Variants in BEND4 observed in about 807,000 individuals in gnomAD.
The protein encoded by BEND4 is BEN domain-containing protein 4.
BEND4 carries 27 observed loss-of-function variants against 54.7 expected under a neutral mutation model. The observed-to-expected ratio is 0.49, with a 90% confidence interval of 0.36 to 0.68. The LOEUF is 0.68. Among genes scored for constraint, BEND4 ranks in the 30% least tolerant of loss-of-function variants. The probability of loss-of-function intolerance (pLI) is 0.00; values close to 1 mark genes in which losing one functional copy is unlikely to be tolerated. For missense variants in BEND4, 702 were observed against 697.2 expected (o/e 1.01, Z -0.08); for synonymous variants, 327 against 299.5 (o/e 1.09, Z -0.95).
chr4:42,138,660 T>C (rs1017754524), intron 3 of BEND4, among the ~76,000 whole-genome samples: 1 of 152,220 alleles, frequency 6.6e-6, no homozygotes, highest in Non-Finnish European at 1.5e-5. Flanking sequence ...CTTTTAACTA[T>C]ATATCCTCTA....
At chr4:42,142,206 T>C (rs1388480827) in intron 3 of BEND4, among the ~76,000 whole-genome samples, 1 of 150,748 alleles carries the variant, frequency 6.6e-6, no homozygotes, top group African/African-American at 2.4e-5. Flanking sequence ...GCGCCCGGCC[T>C]CAAGCTTAAA....
In BEND4 at chr4:42,111,947, AG is replaced by A. The variant is rs1376351805; in HGVS notation, c.*5570del. 1 of 152,246 alleles carries A rather than the reference AG, an allele frequency of 6.6e-6. No homozygotes were observed. The highest frequency in any genetic ancestry group is 1.5e-5 in the Non-Finnish European group (1 of 68,040). The allele number at this position is 152,246 out of a possible 1,614,324, so 9.4% of individuals were successfully genotyped here. A position where few individuals can be genotyped will look rare whatever the true frequency, so the allele number is the denominator to read the frequency against. The stretch of plus-strand genomic sequence containing the variant: ...AAAAAAGTTTTCTGGTCTTCATCAT[AG>A]GATCTTACGTAGGTCAAGCCTTATA... On this transcript the variant is annotated 3_prime_UTR_variant, in exon 6 of 6. Coordinates refer to ENST00000502486, the MANE Select transcript of BEND4 (RefSeq NM_207406.4).
At chr4:42,128,968 T>C (rs1303450808) in intron 3 of BEND4, among the ~76,000 whole-genome samples, 2 of 152,046 alleles carry the variant, frequency 1.3e-5, no homozygotes, top group Non-Finnish European at 2.9e-5. Context: ...CTTATTCAAA[T>C]AGGAAGAGAG....
intron 4 of BEND4, among the ~76,000 whole-genome samples, chr4:42,124,184 A>T (rs7669154): frequency 9.9e-5 from 15 of 151,938 alleles, no homozygotes; most frequent in African/African-American, 3.4e-4. Context: ...GTGACACCCC[A>T]TCTCTATAAA....
At chr4:42,144,789 G>T (rs986453690) in intron 2 of BEND4, among the ~76,000 whole-genome samples, 4 of 152,158 alleles carry the variant, frequency 2.6e-5, no homozygotes, top group Non-Finnish European at 4.4e-5. Flanking sequence ...AAAGCATATT[G>T]TCAACCATTG....
In BEND4 at chr4:42,142,829, A is replaced by G. The variant is rs562986799; in HGVS notation, c.1054+599T>C. Among the ~76,000 whole-genome samples the G allele has an allele frequency of 2.2e-4, 34 of 152,268 alleles. 1 individual carries two copies. The South Asian group carries it at 6.4e-3, about 29-fold the overall frequency. On this transcript the variant is annotated intron_variant, in intron 3 of 5. Transcript: ENST00000502486. ...TTGGGGCCGGCTTAATTACTGGTCTATCTTTGACCTATTAGGACAGTGTAT... is the reference window on the plus strand; with the variant it reads ...TTGGGGCCGGCTTAATTACTGGTCTGTCTTTGACCTATTAGGACAGTGTAT...
At chr4:42,148,188 T>C (rs968516433) in intron 2 of BEND4, among the ~76,000 whole-genome samples, 1 of 152,178 alleles carries the variant, frequency 6.6e-6, no homozygotes, top group Non-Finnish European at 1.5e-5. Flanking sequence ...AAATAGAAGT[T>C]AGAAAATCAA....
chr4:42,142,478 T>C (rs1720923048), intron 3 of BEND4, among the ~76,000 whole-genome samples: 1 of 148,318 alleles, frequency 6.7e-6, no homozygotes, highest in South Asian at 2.1e-4. Context: ...TATATATATA[T>C]ATAAACTTGC....
intron 3 of BEND4, among the ~76,000 whole-genome samples, chr4:42,137,313 A>G (rs1720730577): frequency 6.6e-6 from 1 of 152,248 alleles, no homozygotes; most frequent in Non-Finnish European, 1.5e-5. Flanking sequence ...GGATTTCTAC[A>G]TGCAAAAGAA....
chr4:42,119,924 C>T (rs750425164), intron 5 of BEND4, 130 bp downstream of exon 5: 3 of 1,175,168 alleles, frequency 2.6e-6, no homozygotes, highest in Non-Finnish European at 3.7e-6. Context: ...AGATGGGCCA[C>T]ATGAAGCCTA....
intron 2 of BEND4, among the ~76,000 whole-genome samples, chr4:42,149,192 C>G (rs1199840926): frequency 2.9e-5 from 4 of 136,612 alleles, no homozygotes; most frequent in African/African-American, 5.9e-5. Flanking sequence ...GCCGCTCCCA[C>G]CCCCCCCACC....
intron 2 of BEND4, among the ~76,000 whole-genome samples, chr4:42,146,007 T>C (rs935358435): frequency 3.3e-5 from 5 of 152,080 alleles, no homozygotes; most frequent in Admixed American, 1.3e-4. Flanking sequence ...TGGTTGAGAG[T>C]CCACAGGACT....
intron 3 of BEND4, among the ~76,000 whole-genome samples, chr4:42,128,615 C>G (rs1253641121): frequency 1.3e-5 from 2 of 151,518 alleles, no homozygotes; most frequent in Non-Finnish European, 2.9e-5. Flanking sequence ...CAGAGCAAGA[C>G]TCCGTCTCAA....
intron 2 of BEND4, chr4:42,151,008 G>T (rs1721251661): frequency 2.0e-5 from 3 of 152,358 alleles, no homozygotes; most frequent in South Asian, 4.1e-4. Flanking sequence ...CGGCGTGGCG[G>T]ACGCGGAGGA....
chr4:42,143,540 C>G lies in BEND4; in HGVS notation c.942G>C (p.Glu314Asp), dbSNP rs750771622. ...AATAGCCTTCCTCGTCCTCCTCCTC[C>G]TCCTCTTCTGGCAGTGTAGATGAAG... ...HPSSSTLPEE[E>D]EEEDEEGYCP... Residue 314 changes from glutamate to aspartate, a missense_variant, in exon 3 of 6, where the codon GAG (glutamate) becomes GAC (aspartate). By Grantham distance (45) the Glu-to-Asp change is conservative. Transcript: ENST00000502486. 1 of 1,557,016 alleles carries G rather than the reference C, an allele frequency of 6.4e-7. No individual in the cohort carries two copies. The highest frequency in any genetic ancestry group is 1.2e-5 in the South Asian group (1 of 84,392).
chr4:42,119,157 CAGA>C (rs1372012655), intron 5 of BEND4, among the ~76,000 whole-genome samples: 3 of 152,032 alleles, frequency 2.0e-5, no homozygotes, highest in Non-Finnish European at 4.4e-5. Context: ...GGAGGGAGTG[CAGA>C]AGTAGAGTAT....
At chr4:42,151,509 G>T in intron 2 of BEND4, 148 bp downstream of exon 2, 1 of 793,904 alleles carries the variant, frequency 1.3e-6, no homozygotes, top group Non-Finnish European at 1.7e-6. Flanking sequence ...CGAAGTTTCC[G>T]GGTGCGCGGG....
chr4:42,138,870 A>C (rs1390999485), intron 3 of BEND4, among the ~76,000 whole-genome samples: 1 of 152,222 alleles, frequency 6.6e-6, no homozygotes, highest in Non-Finnish European at 1.5e-5. Flanking sequence ...TTTAGTATCT[A>C]TGGACTTTGT....
At chr4:42,124,118 G>A (rs1156902068) in intron 4 of BEND4, among the ~76,000 whole-genome samples, 1 of 152,208 alleles carries the variant, frequency 6.6e-6, no homozygotes, top group Non-Finnish European at 1.5e-5. Context: ...ACTTTGGGAG[G>A]CTGAGGCAGG....
Sources: allele counts gnomAD v4.1 joint callset (sites outside exome capture counted in the v4.1 genomes callset), GRCh38; gene constraint gnomAD v4.1.1; transcripts MANE v1.5; gene names NCBI Gene and HGNC (gene_info 2026-07-23, HGNC 2026-07-21).